Variants in NECAP2 observed in about 807,000 individuals in gnomAD.
NECAP2 encodes the protein NECAP endocytosis associated 2.
NECAP2 carries 38 observed loss-of-function variants against 37.8 expected under a neutral mutation model. The ratio of observed to expected loss-of-function variants is 1.01; its 90% CI spans 0.78 to 1.32. The LOEUF (loss-of-function observed/expected upper bound fraction) is 1.32, where lower values mean the gene tolerates loss of function less well. Among genes scored for constraint, NECAP2 ranks in the 40% most tolerant of loss-of-function variants. The pLI, the probability that NECAP2 is intolerant of heterozygous loss-of-function variation, is 0.00. For synonymous variants in NECAP2, 121 were observed against 127.7 expected, an observed-to-expected ratio of 0.95 and a Z score of 0.35; for missense variants, 316 against 334.5, an observed-to-expected ratio of 0.94 and a Z score of 0.43.
At chr1:16,448,670 G>A (rs571213249) in intron 4 of NECAP2, among the ~76,000 whole-genome samples, 2 of 152,046 alleles carry the variant, frequency 1.3e-5, no homozygotes, top group Non-Finnish European at 2.9e-5. Flanking sequence ...CTTTTGTGTT[G>A]CCCTCTACTT....
At chr1:16,452,582 A>G (rs1178959015) in intron 6 of NECAP2, among the ~76,000 whole-genome samples, 1 of 152,140 alleles carries the variant, frequency 6.6e-6, no homozygotes, top group Non-Finnish European at 1.5e-5. Flanking sequence ...AGGTGTGCCA[A>G]GGTGAGTGGT....
In NECAP2 at chr1:16,458,880, T is replaced by A; in HGVS notation, c.782T>A (p.Val261Asp). 6.2e-7 allele frequency: 1 copy of A among 1,613,946 alleles called. No homozygotes were observed. The highest frequency in any genetic ancestry group is 1.1e-5 in the South Asian group (1 of 91,062). ...CAGACCCAGCCAGGCACAGGCTGGG[T>A]CCAGTTCTGACCTGAGCACGGTTTT... ...SSQTQPGTGW[V>D]QF The change falls in exon 8 of 8, where the codon GTC becomes GAC. Residue 261 changes from valine (V) to aspartate (D), a missense_variant. Transcript: ENST00000337132.
intron 6 of NECAP2, chr1:16,455,602 C>T: frequency 1.8e-6 from 1 of 550,094 alleles, no homozygotes; most frequent in South Asian, 2.5e-5. Context: ...TGCGTTTTCT[C>T]CAGAGCGCAC....
In NECAP2 at chr1:16,441,026, G is replaced by C. The variant is rs1231600024; in HGVS notation, c.92+173G>C. ...AGCAGGGAGGTGGATCCAGAGTTTC[G>C]CCCGTCTCAGTTCGACGCACGGGAC... On this transcript the variant is annotated intron_variant, in intron 1 of 7. Coordinates refer to ENST00000337132, the MANE Select transcript of NECAP2 (RefSeq NM_018090.5). The C allele has an allele frequency of 8.4e-6, 5 of 595,368 alleles. No individual in the cohort carries two copies. The East Asian group carries it at 1.4e-4, about 17-fold the overall frequency. The allele number at this position is 595,368 out of a possible 1,614,324, so 36.9% of individuals were successfully genotyped here.
rs1487170141 is a variant in NECAP2 at position 16,449,105 on chromosome 1, G to T, written c.393G>T (p.Gln131His). Reference protein sequence around the residue: ...ALQDHFKWVKQQCEFAKQAQN... With the variant: ...ALQDHFKWVKHQCEFAKQAQN... ...GTTCTCTCCCCAGGTGGGTGAAACA[G>T]CAGTGTGAATTTGCAAAACAAGCCC... is the stretch of plus-strand genomic sequence containing the variant. Residue 131 changes from glutamine (Q) to histidine (H), a missense_variant, in exon 5 of 8, where the codon CAG becomes CAT. By Grantham distance (24) the Gln-to-His change is conservative. Transcript: ENST00000337132. 2.5e-6 allele frequency: 4 copies of T among 1,612,532 alleles called. No homozygotes were observed. Among genetic ancestry groups the T allele is most frequent in the Non-Finnish European group, 3.4e-6 (4 of 1,179,200 alleles).
chr1:16,443,493 C>T lies in NECAP2; in HGVS notation c.93-139C>T, dbSNP rs1030014476. ...TGACAGGCTGTGTGGCCTGTAGAGC[C>T]AAAGATATTTACTGTCTGACTCTTT... On this transcript the variant is annotated intron_variant, in intron 1 of 7. Coordinates refer to ENST00000337132, the MANE Select transcript of NECAP2 (RefSeq NM_018090.5). 26 of 677,402 alleles carry T rather than the reference C, an allele frequency of 3.8e-5. No homozygotes were observed. The Admixed American group carries it at 6.1e-4, about 16-fold the overall frequency. 42.0% of individuals were successfully genotyped at this position (677,402 alleles called of 1,614,324 possible). A position where few individuals can be genotyped will look rare whatever the true frequency, so the allele number is the denominator to read the frequency against.
At chr1:16,456,377 T>A (rs748492249) in intron 7 of NECAP2, among the ~76,000 whole-genome samples, 2 of 152,168 alleles carry the variant, frequency 1.3e-5, no homozygotes, top group Non-Finnish European at 2.9e-5. Flanking sequence ...CGTGCCTGCT[T>A]TGGGTGGCAC....
At chr1:16,449,797 G>C (rs1385465639) in intron 5 of NECAP2, 1 of 185,146 alleles carries the variant, frequency 5.4e-6, no homozygotes, top group Non-Finnish European at 1.1e-5. Context: ...CCTGGCTCCT[G>C]TGTCTTCGTT....
chr1:16,440,742 G>T lies in NECAP2; in HGVS notation c.-20G>T. 1.9e-6 allele frequency: 3 copies of T among 1,609,350 alleles called. No homozygotes were observed. The highest frequency in any genetic ancestry group is 1.1e-5 in the South Asian group (1 of 90,974). On this transcript the variant is annotated 5_prime_UTR_variant, in exon 1 of 8. Transcript: ENST00000337132. Reference sequence around the variant, plus strand: ...GAACGGTGGAAGTCGCCGGAAGTTCGGTGGGCTCCAGGCGTCGCGATGGAG... The same window carrying T: ...GAACGGTGGAAGTCGCCGGAAGTTCTGTGGGCTCCAGGCGTCGCGATGGAG...
chr1:16,450,539 G>T (rs1459284840), intron 5 of NECAP2: 1 of 155,654 alleles, frequency 6.4e-6, no homozygotes, highest in South Asian at 1.9e-4. Context: ...AACTTGTGCT[G>T]CTTTCTGGCT....
intron 7 of NECAP2, among the ~76,000 whole-genome samples, chr1:16,456,134 C>T (rs2086915081): frequency 6.6e-6 from 1 of 151,766 alleles, no homozygotes; most frequent in Non-Finnish European, 1.5e-5. Context: ...AGCTATTCTC[C>T]TGCCTCAGCC....
At chr1:16,440,932 G>C (rs1001218148) in intron 1 of NECAP2, 79 bp downstream of exon 1, 5 of 1,291,260 alleles carry the variant, frequency 3.9e-6, no homozygotes, top group Non-Finnish European at 5.5e-6. Flanking sequence ...TGCGGGAACC[G>C]AGGACAGCCC....
intron 5 of NECAP2, chr1:16,449,871 G>T (rs188307664): frequency 1.1e-3 from 247 of 229,114 alleles, no homozygotes; most frequent in East Asian, 1.5e-3. Flanking sequence ...GGTTGGGCTG[G>T]GCTGGGCTGG....
chr1:16,441,079 C>T (rs1360491799), intron 1 of NECAP2: 2 of 561,054 alleles, frequency 3.6e-6, no homozygotes, highest in Non-Finnish European at 6.4e-6. Flanking sequence ...GCGTTAAAGC[C>T]GTATCTAGCG....
chr1:16,451,739 T>C, intron 5 of NECAP2, 99 bp from the exon 6 acceptor site: 1 of 1,253,786 alleles, frequency 8.0e-7, no homozygotes, highest in Non-Finnish European at 1.2e-6. Flanking sequence ...TACACAGATG[T>C]TGGGGGTCTG....
rs556789227 is a variant in NECAP2 at position 16,456,794 on chromosome 1, C to T, written c.743+901C>T. Among the ~76,000 whole-genome samples the T allele has an allele frequency of 4.6e-5, 7 of 152,344 alleles. No individual in the cohort carries two copies. In the South Asian group the frequency reaches 1.4e-3, roughly 32 times the overall value. On this transcript the variant is annotated intron_variant, in intron 7 of 7. Transcript: ENST00000337132. ...TGTCACCCAGGCTGGAGTGCAGTGG[C>T]ACTATCACGGCTTACTGCAACCACA...
At chr1:16,442,857 G>A (rs2086708469) in intron 1 of NECAP2, among the ~76,000 whole-genome samples, 1 of 152,146 alleles carries the variant, frequency 6.6e-6, no homozygotes, top group African/African-American at 2.4e-5. Flanking sequence ...AGGAGGTTGA[G>A]GCTTCAGTGA....
At chr1:16,443,806 G>A in intron 2 of NECAP2, 74 bp downstream of exon 2, 2 of 1,210,740 alleles carry the variant, frequency 1.7e-6, no homozygotes, top group Non-Finnish European at 2.4e-6. Context: ...GCCTGGTCTG[G>A]CCAGGCTGCT....
At chr1:16,446,921 G>C (rs144730386) in intron 2 of NECAP2, among the ~76,000 whole-genome samples, 1 of 152,022 alleles carries the variant, frequency 6.6e-6, no homozygotes. Flanking sequence ...TTAGTGGGGC[G>C]TGGTGGTGCA....
Sources: allele counts gnomAD v4.1 joint callset (sites outside exome capture counted in the v4.1 genomes callset), GRCh38; gene constraint gnomAD v4.1.1; transcripts MANE v1.5; gene names NCBI Gene and HGNC (gene_info 2026-07-23, HGNC 2026-07-21).